The following TTBK2 variants were observed in gnomAD, a reference collection of about 807,000 sequenced individuals.
TTBK2 encodes the protein tau tubulin kinase 2.
A neutral mutation model predicts 110.8 loss-of-function variants in TTBK2; 28 were observed. The ratio of observed to expected loss-of-function variants is 0.25; its 90% CI spans 0.19 to 0.35. The LOEUF is 0.35. TTBK2 is among the 10% of genes least tolerant of loss of function. The probability of loss-of-function intolerance (pLI) is 1.00; values close to 1 mark genes in which losing one functional copy is unlikely to be tolerated. For missense variants in TTBK2, 1,369 were observed against 1,500.3 expected, an observed-to-expected ratio of 0.91 and a Z score of 1.45; for synonymous variants, 532 against 527.3, an observed-to-expected ratio of 1.01 and a Z score of -0.12.
At chr15:42,764,005 C>A (rs1889234100) in intron 13 of TTBK2, among the ~76,000 whole-genome samples, 1 of 152,102 alleles carries the variant, frequency 6.6e-6, no homozygotes, top group Admixed American at 6.5e-5. Flanking sequence ...AATAGAAGCC[C>A]AGAAAAGATG....
Position 42,872,777 on chromosome 15 carries a change from C to CA in TTBK2, c.70-20dup, listed in dbSNP as rs753173317. On this transcript the variant is annotated intron_variant, in intron 2 of 14. Transcript: ENST00000267890. ...TTCTCAACTGCACAGAAAATAAGAA[C>CA]ACACACACTCTAAATTACTAGAAGA... 2.5e-6 allele frequency: 4 copies of CA among 1,613,356 alleles called. No homozygotes were observed. The highest frequency in any genetic ancestry group is 3.4e-6 in the Non-Finnish European group (4 of 1,179,592).
intron 13 of TTBK2, among the ~76,000 whole-genome samples, chr15:42,766,445 G>GAAAAAA (rs1424460257): frequency 4.0e-4 from 6 of 15,140 alleles, no homozygotes; most frequent in African/African-American, 3.2e-3. Context: ...CGAATGGAAA[G>GAAAAAA]CAAAAAAAAA....
intron 13 of TTBK2, among the ~76,000 whole-genome samples, chr15:42,770,066 C>T (rs986128767): frequency 7.1e-6 from 1 of 141,570 alleles, no homozygotes; most frequent in Non-Finnish European, 1.5e-5. Flanking sequence ...AATACTTGGA[C>T]ACAGGGTGGG....
intron 4 of TTBK2, 21 bp from the exon 5 acceptor site, chr15:42,830,099 C>T (rs1209921975): frequency 6.2e-7 from 1 of 1,613,738 alleles, no homozygotes. Context: ...CAAATAAACA[C>T]TTTCAAATAC....
At chr15:42,859,654 C>A (rs1278333957) in intron 3 of TTBK2, among the ~76,000 whole-genome samples, 1 of 151,982 alleles carries the variant, frequency 6.6e-6, no homozygotes, top group South Asian at 2.1e-4. Flanking sequence ...TGCTTTTATG[C>A]AGTACATTAT....
intron 1 of TTBK2, among the ~76,000 whole-genome samples, chr15:42,895,737 C>A (rs1441698394): frequency 6.6e-6 from 1 of 151,936 alleles, no homozygotes; most frequent in Non-Finnish European, 1.5e-5. Flanking sequence ...CGGGGTTTCA[C>A]CGTGTTAGAC....
rs562721203 is a variant in TTBK2 at position 42,852,564 on chromosome 15, C to T, written c.218-12131G>A. 5.9e-5 allele frequency among the ~76,000 whole-genome samples: 9 copies of T among 152,236 alleles called. No individual in the cohort carries two copies. The South Asian group carries it at 8.3e-4, about 14-fold the overall frequency. On this transcript the variant is annotated intron_variant, in intron 3 of 14. Coordinates refer to ENST00000267890, the MANE Select transcript of TTBK2 (RefSeq NM_173500.4). ...CATATGGAGCATATATAAATATGTA[C>T]GTGTGTTTTCAGGCAAAGACACACA...
Position 42,763,084 on chromosome 15 carries a change from T to TATATATATATATATA in TTBK2, c.1999-9838_1999-9837insTATATATATATATAT, listed in dbSNP as rs1567008356. 1.1e-4 allele frequency among the ~76,000 whole-genome samples: 12 copies of TATATATATATATATA among 108,792 alleles called. No homozygotes were observed. The East Asian group carries it at 2.5e-3, about 23-fold the overall frequency. The allele number at this position is 108,792 out of a possible 152,430, so 71.4% of individuals were successfully genotyped here. On this transcript the variant is annotated intron_variant, in intron 13 of 14. Transcript: ENST00000267890. ...TATAGGATGATTACAGTTAACAATT[T>TATATATATATATATA]TATATATATATATATATACGTATAT... is the stretch of plus-strand genomic sequence containing the variant.
chr15:42,791,033 G>GCCCA (rs1413681681), intron 10 of TTBK2, among the ~76,000 whole-genome samples: 1 of 152,180 alleles, frequency 6.6e-6, no homozygotes, highest in Non-Finnish European at 1.5e-5. Flanking sequence ...ATAGGCACCT[G>GCCCA]CCACCATGCC....
At chr15:42,875,535 G>A (rs1471091181) in intron 2 of TTBK2, among the ~76,000 whole-genome samples, 1 of 151,964 alleles carries the variant, frequency 6.6e-6, no homozygotes, top group Non-Finnish European at 1.5e-5. Flanking sequence ...GTGACACTGT[G>A]CCAGCTCTGA....
At chr15:42,772,730 G>A (rs745800220) in intron 13 of TTBK2, among the ~76,000 whole-genome samples, 1 of 152,004 alleles carries the variant, frequency 6.6e-6, no homozygotes, top group Non-Finnish European at 1.5e-5. Flanking sequence ...GAGAATCTCT[G>A]GACCCCAGCA....
At chr15:42,747,544 G>A (rs2061810835) in intron 14 of TTBK2, among the ~76,000 whole-genome samples, 1 of 152,086 alleles carries the variant, frequency 6.6e-6, no homozygotes, top group Non-Finnish European at 1.5e-5. Flanking sequence ...CATAAGGAGC[G>A]TACAACCTAG....
intron 6 of TTBK2, among the ~76,000 whole-genome samples, chr15:42,817,405 A>G (rs1360477752): frequency 1.3e-5 from 2 of 152,206 alleles, no homozygotes; most frequent in East Asian, 3.8e-4. Context: ...ATGCTTTCAT[A>G]TACCCATAAT....
intron 13 of TTBK2, among the ~76,000 whole-genome samples, chr15:42,770,882 T>C (rs1338763666): frequency 6.6e-6 from 1 of 152,180 alleles, no homozygotes; most frequent in Non-Finnish European, 1.5e-5. Context: ...TCCATGAGCT[T>C]TCACACAGTC....
At chr15:42,826,409 G>A (rs1892538925) in intron 6 of TTBK2, among the ~76,000 whole-genome samples, 1 of 152,166 alleles carries the variant, frequency 6.6e-6, no homozygotes, top group Non-Finnish European at 1.5e-5. Flanking sequence ...TATTGACAGA[G>A]TGACATCAAT....
At chr15:42,871,138 G>A (rs1022735103) in intron 3 of TTBK2, among the ~76,000 whole-genome samples, 3 of 152,128 alleles carry the variant, frequency 2.0e-5, no homozygotes, top group Admixed American at 6.5e-5. Context: ...GCCAAGAGAA[G>A]AGAGTCAAGG....
intron 6 of TTBK2, among the ~76,000 whole-genome samples, chr15:42,820,700 C>CA (rs376951443): frequency 0.012 from 1,659 of 140,812 alleles, 11 homozygotes; most frequent in Non-Finnish European, 0.015. Context: ...TCTGAAGCTG[C>CA]AAAAAAAAAA....
chr15:42,826,924 G>GAA (rs1892560793), intron 6 of TTBK2, among the ~76,000 whole-genome samples: 1 of 152,184 alleles, frequency 6.6e-6, no homozygotes, highest in African/African-American at 2.4e-5. Context: ...GAACTAGGGG[G>GAA]AAAAGATAGC....
intron 9 of TTBK2, among the ~76,000 whole-genome samples, chr15:42,808,254 G>A (rs1170865761): frequency 6.6e-6 from 1 of 152,182 alleles, no homozygotes; most frequent in African/African-American, 2.4e-5. Context: ...TTGGCCATGT[G>A]CAACGTGTTG....
Sources: gnomAD v4.1 joint callset for allele counts (sites outside exome capture counted in the v4.1 genomes callset) on GRCh38, gnomAD v4.1.1 for gene constraint, MANE v1.5 for transcripts, NCBI Gene and HGNC (gene_info 2026-07-23, HGNC 2026-07-21) for gene names.